The following FAM13A variants were observed in gnomAD, a reference collection of about 807,000 sequenced individuals.
FAM13A encodes the protein family with sequence similarity 13 member A, also known as protein FAM13A.
A neutral mutation model predicts 129.6 loss-of-function variants in FAM13A; 76 were observed. The observed-to-expected ratio is 0.59, with a 90% CI of 0.49 to 0.71. The LOEUF (loss-of-function observed/expected upper bound fraction) is 0.71. FAM13A is among the 30% of genes least tolerant of loss of function. The pLI, the probability that FAM13A is intolerant of heterozygous loss-of-function variation, is 0.00. For missense variants in FAM13A, 1,108 were observed against 1,249.3 expected (o/e 0.89, Z 1.70); for synonymous variants, 443 against 449.9 (o/e 0.98, Z 0.20).
chr4:88,977,824 A>T (rs1014754009), intron 4 of FAM13A, among the ~76,000 whole-genome samples: 3 of 152,222 alleles, frequency 2.0e-5, no homozygotes, highest in Admixed American at 6.5e-5. Flanking sequence ...CCTCACACAG[A>T]GTATCTGGAG....
intron 6 of FAM13A, among the ~76,000 whole-genome samples, chr4:88,853,425 A>G (rs1040350264): frequency 2.0e-5 from 3 of 152,234 alleles, no homozygotes; most frequent in Non-Finnish European, 2.9e-5. Flanking sequence ...CAAGAACATG[A>G]AAGTAAAAAT....
At chr4:88,801,595 C>G (rs573495571) in intron 8 of FAM13A, among the ~76,000 whole-genome samples, 77 of 152,262 alleles carry the variant, frequency 5.1e-4, no homozygotes, top group Non-Finnish European at 8.5e-4. Context: ...TAAGCAAGGA[C>G]CAAGTTTCAG....
chr4:88,759,174 G>A, intron 13 of FAM13A: 1 of 355,180 alleles, frequency 2.8e-6, no homozygotes, highest in Non-Finnish European at 5.3e-6. Flanking sequence ...ACTGATTGGG[G>A]CCAGGAATGA....
At position 88,781,207 on chromosome 4, in the gene FAM13A, A is replaced by G. The variant is rs2149614978; in HGVS notation, c.1416T>C (p.Ser472=). 1 of 1,611,264 alleles carries G rather than the reference A, an allele frequency of 6.2e-7. No homozygotes were observed. Among genetic ancestry groups the G allele is most frequent in the East Asian group, 2.2e-5 (1 of 44,686 alleles). ...TGTCATGAAGCTCAGAAAGTTTAGTACTGGATTTCTGACGTTTAGGCTTGC... is the reference window on the plus strand; with the variant it reads ...TGTCATGAAGCTCAGAAAGTTTAGTGCTGGATTTCTGACGTTTAGGCTTGC... ...ERSKPKRQKS[S]TKLSELHDNQ... is the part of the protein sequence containing the mutation. Residue 472 remains serine, a synonymous_variant, in exon 11 of 24, where the codon AGT becomes AGC. Coordinates refer to ENST00000264344, the MANE Select transcript of FAM13A (RefSeq NM_014883.4).
At chr4:88,862,934 A>C (rs1203219026) in intron 6 of FAM13A, among the ~76,000 whole-genome samples, 1 of 151,810 alleles carries the variant, frequency 6.6e-6, no homozygotes, top group Non-Finnish European at 1.5e-5. Flanking sequence ...AAAAAAAAAA[A>C]CTATGTTTTT....
chr4:88,750,288 G>C (rs1478189026), intron 15 of FAM13A, 136 bp downstream of exon 15: 9 of 716,958 alleles, frequency 1.3e-5, no homozygotes, highest in Non-Finnish European at 2.2e-5. Flanking sequence ...CTGTGTCCTA[G>C]GATGGAGAAT....
chr4:88,908,260 A>T (rs1232047491), intron 5 of FAM13A, among the ~76,000 whole-genome samples: 1 of 152,240 alleles, frequency 6.6e-6, no homozygotes, highest in Non-Finnish European at 1.5e-5. Context: ...TGTGAGAGGG[A>T]TAAACTATAT....
At chr4:88,872,732 G>C (rs1328838890) in intron 6 of FAM13A, among the ~76,000 whole-genome samples, 1 of 152,112 alleles carries the variant, frequency 6.6e-6, no homozygotes, top group African/African-American at 2.4e-5. Context: ...AGATCAACGA[G>C]ACAGAAGATT....
chr4:88,885,144 A>G (rs889972609), intron 6 of FAM13A, among the ~76,000 whole-genome samples: 1 of 151,810 alleles, frequency 6.6e-6, no homozygotes, highest in Non-Finnish European at 1.5e-5. Context: ...CAGAACCAGA[A>G]AAAAAAATCT....
chr4:88,891,056 G>GT (rs142472113), intron 6 of FAM13A, among the ~76,000 whole-genome samples: 5,843 of 152,190 alleles, frequency 0.038, 257 homozygotes, highest in South Asian at 0.24. Flanking sequence ...GACCCAGAAA[G>GT]TTTTATCAGT....
chr4:88,883,801 G>A (rs1414094828), intron 6 of FAM13A, among the ~76,000 whole-genome samples: 1 of 150,572 alleles, frequency 6.6e-6, no homozygotes, highest in Non-Finnish European at 1.5e-5. Flanking sequence ...ATCCAAATAA[G>A]TTCAATTATA....
intron 9 of FAM13A, among the ~76,000 whole-genome samples, chr4:88,790,042 G>A (rs144187248): frequency 7.2e-5 from 11 of 152,208 alleles, no homozygotes; most frequent in East Asian, 1.9e-4. Context: ...AGAGAGTACC[G>A]CCACTGCCCT....
At chr4:89,016,918 G>A (rs1387750133) in intron 3 of FAM13A, among the ~76,000 whole-genome samples, 1 of 152,200 alleles carries the variant, frequency 6.6e-6, no homozygotes, top group African/African-American at 2.4e-5. Context: ...ACAGGCATAA[G>A]CCACAGGCCA....
chr4:88,824,928 GA>G (rs1561094416), intron 7 of FAM13A, among the ~76,000 whole-genome samples: 1 of 152,016 alleles, frequency 6.6e-6, no homozygotes, highest in Admixed American at 6.6e-5. Flanking sequence ...GGCTGGTCTC[GA>G]ACTCCTGACC....
intron 1 of FAM13A, among the ~76,000 whole-genome samples, chr4:89,047,787 T>C (rs1039486683): frequency 2.6e-5 from 4 of 152,080 alleles, no homozygotes; most frequent in Non-Finnish European, 1.5e-5. Flanking sequence ...ATCCAGAACA[T>C]AAAGAACTTT....
intron 3 of FAM13A, among the ~76,000 whole-genome samples, chr4:89,018,614 C>T (rs1313406973): frequency 6.6e-6 from 1 of 152,226 alleles, no homozygotes; most frequent in Non-Finnish European, 1.5e-5. Context: ...GTCTGGCGGC[C>T]TTGGGCCATC....
chr4:88,811,320 CAGAG>C (rs1729626572), intron 7 of FAM13A, among the ~76,000 whole-genome samples: 3 of 152,114 alleles, frequency 2.0e-5, no homozygotes, highest in Admixed American at 2.0e-4. Flanking sequence ...GAATGAGACT[CAGAG>C]AGACAGTGAA....
chr4:88,896,771 A>T (rs1389044100), intron 6 of FAM13A, among the ~76,000 whole-genome samples: 1 of 152,236 alleles, frequency 6.6e-6, no homozygotes, highest in African/African-American at 2.4e-5. Flanking sequence ...CATCTATGAA[A>T]GCATTAGGAG....
At chr4:88,830,631 C>CT (rs1289965400) in intron 7 of FAM13A, among the ~76,000 whole-genome samples, 2 of 152,084 alleles carry the variant, frequency 1.3e-5, no homozygotes, top group East Asian at 3.8e-4. Context: ...GATGATGTAT[C>CT]TTGCTTTTAA....
Sources: allele counts gnomAD v4.1 joint callset (sites outside exome capture counted in the v4.1 genomes callset), GRCh38; gene constraint gnomAD v4.1.1; transcripts MANE v1.5; gene names NCBI Gene and HGNC (gene_info 2026-07-23, HGNC 2026-07-21).